OPCML: variants seen among roughly 807,000 people sequenced by gnomAD.
OPCML encodes the protein opioid-binding protein/cell adhesion molecule.
OPCML carries 13 observed loss-of-function variants against 37.8 expected under a neutral mutation model. The observed-to-expected ratio is 0.34, with a 90% CI of 0.22 to 0.55. The LOEUF is 0.55. OPCML is among the 20% of genes least tolerant of loss of function. The pLI is 0.91. For synonymous variants in OPCML, 176 were observed against 168.8 expected (o/e 1.04, Z -0.33); for missense variants, 341 against 435.6 (o/e 0.78, Z 1.93).
At chr11:133,227,807 T>G (rs1184363490) in intron 1 of OPCML, among the ~76,000 whole-genome samples, 1 of 152,242 alleles carries the variant, frequency 6.6e-6, no homozygotes, top group East Asian at 1.9e-4. Context: ...GAGCTGCAGT[T>G]ACAGTCTCCT....
chr11:133,299,097 C>T (rs1942713825), intron 1 of OPCML: 2 of 152,110 alleles, frequency 1.3e-5, no homozygotes, highest in Non-Finnish European at 2.9e-5. Context: ...CCCAAATGCA[C>T]CTAATCCCCT....
chr11:133,026,213 G>A, intron 1 of OPCML: 1 of 690,900 alleles, frequency 1.4e-6, no homozygotes. Flanking sequence ...AAGCTTTCGA[G>A]CCAGGTTAGA....
chr11:133,121,356 G>T (rs1338463666), intron 1 of OPCML, among the ~76,000 whole-genome samples: 1 of 152,182 alleles, frequency 6.6e-6, no homozygotes, highest in East Asian at 1.9e-4. Context: ...CAAAACCTAT[G>T]TTATTTACTC....
chr11:133,070,810 G>A (rs1490843412), intron 1 of OPCML, among the ~76,000 whole-genome samples: 1 of 152,182 alleles, frequency 6.6e-6, no homozygotes, highest in Admixed American at 6.5e-5. Context: ...AAGGAGCAGG[G>A]GCTGGGGGTC....
At chr11:133,441,474 T>A (rs1486744826) in intron 1 of OPCML, among the ~76,000 whole-genome samples, 4 of 152,198 alleles carry the variant, frequency 2.6e-5, no homozygotes, top group Non-Finnish European at 2.9e-5. Context: ...ACTATTTATA[T>A]GACTGTTTCA....
At chr11:132,528,732 C>T (rs2096315314) in intron 4 of OPCML, among the ~76,000 whole-genome samples, 1 of 152,182 alleles carries the variant, frequency 6.6e-6, no homozygotes, top group East Asian at 1.9e-4. Context: ...TTGCACTCTA[C>T]TTCCAGGAAG....
At chr11:133,233,040 C>T (rs768381698) in intron 1 of OPCML, among the ~76,000 whole-genome samples, 3 of 152,152 alleles carry the variant, frequency 2.0e-5, no homozygotes, top group Non-Finnish European at 4.4e-5. Flanking sequence ...GGGTCTTCCT[C>T]CAGCTTGGTT....
intron 4 of OPCML, among the ~76,000 whole-genome samples, chr11:132,452,497 A>C (rs965679188): frequency 3.5e-4 from 34 of 96,752 alleles, no homozygotes; most frequent in Middle Eastern, 5.0e-3. Flanking sequence ...TCCCTTCCTC[A>C]CTTCCTTCCT....
At chr11:132,474,247 C>T (rs953294595) in intron 4 of OPCML, among the ~76,000 whole-genome samples, 24 of 151,764 alleles carry the variant, frequency 1.6e-4, no homozygotes, top group Non-Finnish European at 3.1e-4. Flanking sequence ...TAGCTTTGCT[C>T]CCCAGGTCAA....
intron 1 of OPCML, among the ~76,000 whole-genome samples, chr11:133,115,721 A>G (rs955836271): frequency 2.6e-5 from 4 of 152,132 alleles, no homozygotes; most frequent in African/African-American, 9.7e-5. Context: ...TTATTTTTTA[A>G]GTGTAAGTTT....
chr11:133,521,537 A>G (rs1408477773), intron 1 of OPCML, among the ~76,000 whole-genome samples: 3 of 152,262 alleles, frequency 2.0e-5, no homozygotes, highest in Non-Finnish European at 4.4e-5. Context: ...CGCACCAAAC[A>G]AAAGGAGGGT....
chr11:132,905,225 C>CTTTTTTTTT (rs373679886), intron 2 of OPCML, among the ~76,000 whole-genome samples: 2 of 88,394 alleles, frequency 2.3e-5, no homozygotes, highest in African/African-American at 9.3e-5. Flanking sequence ...GAAAGCAGTT[C>CTTTTTTTTT]TTTTTTTTTT....
intron 4 of OPCML, among the ~76,000 whole-genome samples, chr11:132,466,035 C>A (rs1469645491): frequency 6.6e-6 from 1 of 152,136 alleles, no homozygotes; most frequent in African/African-American, 2.4e-5. Flanking sequence ...CCAATGCACA[C>A]CTATATAGAG....
At chr11:133,340,917 C>T (rs1243405209) in intron 1 of OPCML, among the ~76,000 whole-genome samples, 1 of 152,188 alleles carries the variant, frequency 6.6e-6, no homozygotes, top group Non-Finnish European at 1.5e-5. Context: ...CTCCTGTTCT[C>T]CTTCTTGCCT....
At chr11:132,639,503 A>T (rs1236757458) in intron 3 of OPCML, among the ~76,000 whole-genome samples, 1 of 152,222 alleles carries the variant, frequency 6.6e-6, no homozygotes, top group Non-Finnish European at 1.5e-5. Flanking sequence ...TGGAATAGCA[A>T]TCATTGCAGC....
At chr11:133,376,583 T>C (rs1050318199) in intron 1 of OPCML, among the ~76,000 whole-genome samples, 4 of 152,212 alleles carry the variant, frequency 2.6e-5, no homozygotes, top group Admixed American at 2.0e-4. Context: ...TTATGTGGTT[T>C]ATGAGAATAG....
At chr11:132,898,404 T>A (rs540090406) in intron 2 of OPCML, among the ~76,000 whole-genome samples, 1 of 152,310 alleles carries the variant, frequency 6.6e-6, no homozygotes, top group African/African-American at 2.4e-5. Context: ...ACAGTGTATC[T>A]ACTAAGGAAC....
intron 1 of OPCML, among the ~76,000 whole-genome samples, chr11:133,159,519 G>A (rs1950113203): frequency 6.6e-6 from 1 of 152,226 alleles, no homozygotes; most frequent in South Asian, 2.1e-4. Context: ...CAGGGATGCA[G>A]TGAATAATAA....
intron 4 of OPCML, among the ~76,000 whole-genome samples, chr11:132,480,626 C>T (rs573547409): frequency 1.1e-4 from 16 of 152,262 alleles, no homozygotes; most frequent in African/African-American, 3.4e-4. Context: ...AGAGAAAGGT[C>T]GGGTTACCCT....
Sources: gnomAD v4.1 joint callset for allele counts (sites outside exome capture counted in the v4.1 genomes callset) on GRCh38, gnomAD v4.1.1 for gene constraint, MANE v1.5 for transcripts, NCBI Gene and HGNC (gene_info 2026-07-23, HGNC 2026-07-21) for gene names.